Variants in VPS8 observed in about 807,000 individuals in gnomAD.
VPS8 encodes the protein vacuolar protein sorting-associated protein 8 homolog.
Under a neutral mutation model 216.4 loss-of-function variants are expected in VPS8, and 129 were observed. The ratio of observed to expected loss-of-function variants is 0.60; its 90% confidence interval spans 0.52 to 0.69. VPS8 has a LOEUF of 0.69. VPS8 is among the 30% of genes least tolerant of loss of function. VPS8 has a pLI of 0.00. For missense variants in VPS8, 1,531 were observed against 1,683.5 expected (o/e 0.91, Z 1.59); for synonymous variants, 571 against 565.4 (o/e 1.01, Z -0.14).
At chr3:184,877,487 T>G (rs1729481689) in intron 21 of VPS8, among the ~76,000 whole-genome samples, 1 of 152,234 alleles carries the variant, frequency 6.6e-6, no homozygotes, top group Non-Finnish European at 1.5e-5. Flanking sequence ...ACTTAGTATT[T>G]GCAACACATA....
At chr3:184,962,268 C>T (rs1746664535) in intron 37 of VPS8, among the ~76,000 whole-genome samples, 1 of 152,132 alleles carries the variant, frequency 6.6e-6, no homozygotes, top group African/African-American at 2.4e-5. Context: ...TATGAGGGTT[C>T]TCTGAATAAT....
intron 45 of VPS8, among the ~76,000 whole-genome samples, chr3:185,012,289 TTATA>T (rs1755127456): frequency 1.4e-5 from 2 of 147,334 alleles, no homozygotes; most frequent in Admixed American, 6.8e-5. Context: ...TATCTATAAT[TTATA>T]TATTATATAA....
rs564164180 is a variant in VPS8, at chr3:184,915,105, G to A, written c.2262+52G>A. On this transcript the variant is annotated intron_variant, in intron 27 of 47. Transcript: ENST00000625842. ...ACTGTTCTCCGTCTCTGGTTAAGAC[G>A]CACTGAAGACAAATTGCAGTTGAGG... is the stretch of plus-strand genomic sequence containing the variant. The A allele has an allele frequency of 1.5e-5, 23 of 1,585,886 alleles. No homozygotes were observed. In the Admixed American group the frequency reaches 1.7e-4, roughly 12 times the overall value.
intron 46 of VPS8, among the ~76,000 whole-genome samples, chr3:185,033,273 G>T (rs960651160): frequency 5.9e-5 from 9 of 152,162 alleles, no homozygotes; most frequent in Non-Finnish European, 2.9e-5. Flanking sequence ...CCAAATCCCT[G>T]TGCTCCACCT....
At chr3:184,820,104 C>G (rs1259231661) in intron 1 of VPS8, among the ~76,000 whole-genome samples, 1 of 152,124 alleles carries the variant, frequency 6.6e-6, no homozygotes, top group African/African-American at 2.4e-5. Context: ...TTCAAGGATC[C>G]ACTGTCTATT....
At chr3:184,938,807 C>A (rs1017947480) in intron 35 of VPS8, among the ~76,000 whole-genome samples, 1 of 151,712 alleles carries the variant, frequency 6.6e-6, no homozygotes, top group Non-Finnish European at 1.5e-5. Context: ...GCGGGCAGAT[C>A]GCTTGAGCTC....
intron 22 of VPS8, among the ~76,000 whole-genome samples, chr3:184,889,554 G>C (rs1731948840): frequency 6.6e-6 from 1 of 152,034 alleles, no homozygotes; most frequent in Non-Finnish European, 1.5e-5. Context: ...CCGAAGACTA[G>C]ATTGTACTAG....
intron 40 of VPS8, among the ~76,000 whole-genome samples, chr3:184,980,343 C>T (rs1196779867): frequency 1.3e-5 from 2 of 152,040 alleles, no homozygotes; most frequent in African/African-American, 4.8e-5. Flanking sequence ...TTCTCAAGGT[C>T]AAGAACCTAG....
chr3:184,889,623 T>G (rs1731961618), intron 22 of VPS8, among the ~76,000 whole-genome samples: 1 of 151,992 alleles, frequency 6.6e-6, no homozygotes. Context: ...TTTCTTTCCC[T>G]CCTTGTCTCT....
chr3:184,872,067 A>C (rs571889136), intron 21 of VPS8, among the ~76,000 whole-genome samples: 17 of 152,208 alleles, frequency 1.1e-4, no homozygotes, highest in Non-Finnish European at 2.4e-4. Flanking sequence ...GACATATGGT[A>C]GAAAGAAAGC....
At chr3:184,814,089 CT>C (rs1479116135) in intron 1 of VPS8, among the ~76,000 whole-genome samples, 3 of 152,192 alleles carry the variant, frequency 2.0e-5, no homozygotes, top group Non-Finnish European at 4.4e-5. Flanking sequence ...GGATTTTTCA[CT>C]GTTATGAATT....
At chr3:184,840,975 A>G (rs950948932) in intron 7 of VPS8, among the ~76,000 whole-genome samples, 1 of 152,126 alleles carries the variant, frequency 6.6e-6, no homozygotes, top group Non-Finnish European at 1.5e-5. Context: ...GTTTTGAATG[A>G]TTTGGCTTAC....
intron 45 of VPS8, among the ~76,000 whole-genome samples, chr3:185,022,326 G>A (rs1440810616): frequency 1.3e-5 from 2 of 152,192 alleles, no homozygotes; most frequent in Non-Finnish European, 2.9e-5. Flanking sequence ...ATAGCAGCAT[G>A]AGAATGGACT....
At chr3:185,020,478 T>G (rs1756490060) in intron 45 of VPS8, among the ~76,000 whole-genome samples, 1 of 151,904 alleles carries the variant, frequency 6.6e-6, no homozygotes, top group African/African-American at 2.4e-5. Flanking sequence ...GCTTTTTTTT[T>G]TTTTTTGCAT....
At chr3:184,977,374 G>T (rs1483130031) in intron 40 of VPS8, among the ~76,000 whole-genome samples, 1 of 152,112 alleles carries the variant, frequency 6.6e-6, no homozygotes, top group Non-Finnish European at 1.5e-5. Context: ...CAGATGCATA[G>T]TTTGTGAATA....
intron 9 of VPS8, chr3:184,849,464 AATGT>A (rs1723846083): frequency 3.3e-6 from 1 of 299,432 alleles, no homozygotes; most frequent in Admixed American, 4.9e-5. Context: ...TGTTATATAA[AATGT>A]ACTTCCTTAC....
chr3:185,017,761 G>A (rs986142887), intron 45 of VPS8, among the ~76,000 whole-genome samples: 6 of 152,174 alleles, frequency 3.9e-5, no homozygotes, highest in East Asian at 1.9e-4. Flanking sequence ...CGGCTGTGGC[G>A]GGGGACAGAC....
intron 3 of VPS8, among the ~76,000 whole-genome samples, chr3:184,828,924 A>G (rs1016275011): frequency 1.3e-5 from 2 of 152,190 alleles, no homozygotes; most frequent in South Asian, 2.1e-4. Context: ...TTACTACTCT[A>G]ACTTCTACCA....
At chr3:185,018,028 C>T (rs1756060328) in intron 45 of VPS8, among the ~76,000 whole-genome samples, 1 of 152,170 alleles carries the variant, frequency 6.6e-6, no homozygotes, top group African/African-American at 2.4e-5. Flanking sequence ...ATGCTTCCCA[C>T]AGTTAAAACA....
Sources: allele counts gnomAD v4.1 joint callset (sites outside exome capture counted in the v4.1 genomes callset), GRCh38; gene constraint gnomAD v4.1.1; transcripts MANE v1.5; gene names NCBI Gene and HGNC (gene_info 2026-07-23, HGNC 2026-07-21).